Variants in VTI1A observed in about 807,000 individuals in gnomAD.
The protein encoded by VTI1A is vesicle transport through interaction with t-SNAREs 1A.
In VTI1A, 22 loss-of-function variants were observed where a neutral mutation model predicts 34.9. The observed-to-expected ratio is 0.63, with a 90% confidence interval of 0.45 to 0.90. The LOEUF (loss-of-function observed/expected upper bound fraction) is 0.90, where lower values mean the gene tolerates loss of function less well. VTI1A is among the 40% of genes least tolerant of loss of function. The pLI is 0.00. For missense variants in VTI1A, 268 were observed against 275.6 expected, an observed-to-expected ratio of 0.97 and a Z score of 0.20; for synonymous variants, 87 against 97.3, an observed-to-expected ratio of 0.89 and a Z score of 0.62.
At position 112,586,851 on chromosome 10, in the gene VTI1A, A is replaced by C. The variant is rs901461811; in HGVS notation, c.427+48521A>C. Among the ~76,000 whole-genome samples, 3 of 152,294 alleles carry C rather than the reference A, an allele frequency of 2.0e-5. No homozygotes were observed. In the East Asian group the frequency reaches 5.8e-4, roughly 29 times the overall value. On this transcript the variant is annotated intron_variant, in intron 5 of 7. Transcript: ENST00000393077. ...TATTATAGCACTTAGTTTTAGGGTA[A>C]CCACTGGTGATTTAGTCGTCTAAAA...
chr10:112,698,363 T>G (rs1471696567), intron 7 of VTI1A, among the ~76,000 whole-genome samples: 1 of 152,208 alleles, frequency 6.6e-6, no homozygotes, highest in Non-Finnish European at 1.5e-5. Context: ...TTCTCACTGT[T>G]GCCTCCCTAC....
intron 1 of VTI1A, among the ~76,000 whole-genome samples, chr10:112,456,048 T>C (rs1221508205): frequency 6.6e-6 from 1 of 152,052 alleles, no homozygotes; most frequent in Non-Finnish European, 1.5e-5. Context: ...CATGTACAGC[T>C]CTCTATGCTA....
At chr10:112,651,196 A>T (rs906573952) in intron 5 of VTI1A, among the ~76,000 whole-genome samples, 5 of 152,236 alleles carry the variant, frequency 3.3e-5, no homozygotes, top group African/African-American at 9.6e-5. Context: ...CTTCATGCTT[A>T]AGTGACCTAT....
Position 112,795,725 on chromosome 10 carries a change from T to G in VTI1A, c.561-19565T>G, listed in dbSNP as rs193298511. ...GTGCTTAATTACAGGCATGAGCCACTGCGCCCAGCCCCCTCTTACTCTCTT... is the reference window on the plus strand; with the variant it reads ...GTGCTTAATTACAGGCATGAGCCACGGCGCCCAGCCCCCTCTTACTCTCTT... On this transcript the variant is annotated intron_variant, in intron 7 of 7. Transcript: ENST00000393077. Among the ~76,000 whole-genome samples the G allele has an allele frequency of 2.0e-5, 3 of 152,248 alleles. No individual in the cohort carries two copies. In the East Asian group the frequency reaches 5.8e-4, roughly 29 times the overall value.
intron 5 of VTI1A, among the ~76,000 whole-genome samples, chr10:112,611,859 A>G (rs1253908519): frequency 6.7e-6 from 1 of 148,532 alleles, no homozygotes; most frequent in Non-Finnish European, 1.5e-5. Flanking sequence ...GTCCTACCTC[A>G]GCCTCCTGAG....
chr10:112,518,585 CTCTCTATA>C (rs754312332), intron 3 of VTI1A, among the ~76,000 whole-genome samples: 6,415 of 88,208 alleles, frequency 0.073, 167 homozygotes, highest in Non-Finnish European at 0.098. Flanking sequence ...CTCTCTCTCT[CTCTCTATA>C]TATATATATA....
intron 5 of VTI1A, among the ~76,000 whole-genome samples, chr10:112,543,205 G>A (rs576205794): frequency 4.6e-5 from 7 of 152,134 alleles, no homozygotes; most frequent in South Asian, 2.1e-4. Context: ...TAATGGGATC[G>A]CTGAGTCAAA....
chr10:112,673,637 A>G (rs1478558025), intron 7 of VTI1A, among the ~76,000 whole-genome samples: 2 of 152,260 alleles, frequency 1.3e-5, no homozygotes, highest in Non-Finnish European at 2.9e-5. Context: ...TGACCTAGCC[A>G]GGACCATTCA....
chr10:112,720,790 T>C (rs1468035593), intron 7 of VTI1A, among the ~76,000 whole-genome samples: 1 of 152,200 alleles, frequency 6.6e-6, no homozygotes, highest in Non-Finnish European at 1.5e-5. Flanking sequence ...TCAGCTTGTC[T>C]AATTAACTCA....
chr10:112,690,554 T>G (rs1355876517), intron 7 of VTI1A, among the ~76,000 whole-genome samples: 1 of 152,184 alleles, frequency 6.6e-6, no homozygotes, highest in African/African-American at 2.4e-5. Context: ...TTGAGCAACT[T>G]TATGCTCCAT....
At chr10:112,524,524 G>A (rs1325468841) in intron 3 of VTI1A, among the ~76,000 whole-genome samples, 1 of 152,066 alleles carries the variant, frequency 6.6e-6, no homozygotes, top group Non-Finnish European at 1.5e-5. Context: ...CATTTATAGG[G>A]ACCACCCTTC....
At chr10:112,701,839 A>G (rs2133901515) in intron 7 of VTI1A, among the ~76,000 whole-genome samples, 1 of 152,308 alleles carries the variant, frequency 6.6e-6, no homozygotes, top group East Asian at 1.9e-4. Context: ...ATTACTCTGG[A>G]GATTCTAGAA....
chr10:112,610,898 G>C (rs1347174103), intron 5 of VTI1A, among the ~76,000 whole-genome samples: 20 of 150,874 alleles, frequency 1.3e-4, no homozygotes, highest in Admixed American at 1.3e-3. Flanking sequence ...CAGCCTGGGC[G>C]ACAGAGCGAG....
chr10:112,641,961 G>T (rs950255402), intron 5 of VTI1A, among the ~76,000 whole-genome samples: 1 of 152,130 alleles, frequency 6.6e-6, no homozygotes, highest in Non-Finnish European at 1.5e-5. Context: ...TGAACTGATC[G>T]CACCGTGTTA....
chr10:112,695,938 T>C (rs901205472), intron 7 of VTI1A, among the ~76,000 whole-genome samples: 1 of 152,212 alleles, frequency 6.6e-6, no homozygotes, highest in African/African-American at 2.4e-5. Flanking sequence ...AGTTGTTATG[T>C]AAGATTTGCT....
At chr10:112,852,160 A>G in the VTI1A span, among the ~76,000 whole-genome samples, 7 of 152,258 alleles carry the variant, frequency 4.6e-5, no homozygotes, top group South Asian at 1.5e-3. Context: ...TAATACTCTC[A>G]TGGATTAAAT....
chr10:112,506,273 A>T (rs1564805022), intron 3 of VTI1A, among the ~76,000 whole-genome samples: 1 of 152,164 alleles, frequency 6.6e-6, no homozygotes, highest in Non-Finnish European at 1.5e-5. Flanking sequence ...ATGTGGTACT[A>T]TAATCTTATG....
chr10:112,712,900 T>G (rs895962780), intron 7 of VTI1A, among the ~76,000 whole-genome samples: 1 of 152,188 alleles, frequency 6.6e-6, no homozygotes, highest in Non-Finnish European at 1.5e-5. Context: ...GTGGCAGATG[T>G]TGAACATCTG....
At chr10:112,820,157 G>A (rs116117021), downstream of VTI1A, among the ~76,000 whole-genome samples, 1,679 of 152,318 alleles carry the variant, frequency 0.011, 34 homozygotes, top group African/African-American at 0.038. Context: ...GGCTTTGGAG[G>A]ATCTCAAGCC....
Sources: gnomAD v4.1 joint callset for allele counts (sites outside exome capture counted in the v4.1 genomes callset) on GRCh38, gnomAD v4.1.1 for gene constraint, MANE v1.5 for transcripts, NCBI Gene and HGNC (gene_info 2026-07-23, HGNC 2026-07-21) for gene names.